PDE1C: variants seen among roughly 807,000 people sequenced by gnomAD.
PDE1C encodes phosphodiesterase 1C.
PDE1C carries 62 observed loss-of-function variants against 93.1 expected under a neutral mutation model. The ratio of observed to expected loss-of-function variants is 0.67; its 90% CI spans 0.54 to 0.82. PDE1C has a LOEUF of 0.82. PDE1C is among the 40% of genes least tolerant of loss of function. PDE1C has a pLI of 0.00. For missense variants in PDE1C, 742 were observed against 884.6 expected (o/e 0.84, Z 2.04); for synonymous variants, 325 against 310.1 (o/e 1.05, Z -0.50).
At chr7:32,374,170 GAAAGAAAGA>G (rs766271350) in intron 1 of PDE1C, among the ~76,000 whole-genome samples, 495 of 2,558 alleles carry the variant, frequency 0.19, 14 homozygotes, top group East Asian at 0.25. Context: ...GAGAAAGAAA[GAAAGAAAGA>G]AAGAAAGAAA....
chr7:32,393,277 A>G (rs939604868), intron 1 of PDE1C, among the ~76,000 whole-genome samples: 2 of 152,088 alleles, frequency 1.3e-5, no homozygotes, highest in African/African-American at 4.8e-5. Context: ...CAACAAAAAC[A>G]AATAAAAGCA....
intron 1 of PDE1C, among the ~76,000 whole-genome samples, chr7:32,361,071 C>T (rs1784129028): frequency 6.6e-6 from 1 of 152,190 alleles, no homozygotes; most frequent in Non-Finnish European, 1.5e-5. Flanking sequence ...ACTTATTTAA[C>T]ACACAACTAT....
At chr7:32,107,654 A>G (rs1798398141) in intron 3 of PDE1C, among the ~76,000 whole-genome samples, 1 of 152,210 alleles carries the variant, frequency 6.6e-6, no homozygotes, top group African/African-American at 2.4e-5. Context: ...GAAATGTTAA[A>G]ATAATTTCTT....
At chr7:31,708,928 T>A in the PDE1C span, among the ~76,000 whole-genome samples, 2 of 152,038 alleles carry the variant, frequency 1.3e-5, no homozygotes, top group Non-Finnish European at 2.9e-5. Context: ...CAGCTTTGGG[T>A]AGAGGGGAAT....
At chr7:31,718,372 C>T in the PDE1C span, among the ~76,000 whole-genome samples, 598 of 152,104 alleles carry the variant, frequency 3.9e-3, 2 homozygotes, top group African/African-American at 0.014. Context: ...ACTTGGCTCT[C>T]CTCTGCTACT....
chr7:32,045,045 T>C (rs1055587738), intron 2 of PDE1C, among the ~76,000 whole-genome samples: 3 of 149,960 alleles, frequency 2.0e-5, no homozygotes, highest in South Asian at 4.3e-4. Context: ...CCTACACCTG[T>C]GCCCTGCCCC....
At chr7:31,800,252 C>T (rs746384758) in intron 16 of PDE1C, among the ~76,000 whole-genome samples, 1 of 151,500 alleles carries the variant, frequency 6.6e-6, no homozygotes, top group African/African-American at 2.4e-5. Flanking sequence ...TTTGATAAAG[C>T]ATAATTTATC....
At chr7:31,755,472 A>G (rs1282744440) in intron 17 of PDE1C, among the ~76,000 whole-genome samples, 2 of 152,302 alleles carry the variant, frequency 1.3e-5, no homozygotes, top group Admixed American at 1.3e-4. Flanking sequence ...TAATAGCAGA[A>G]ACCAGGGCTC....
chr7:31,903,304 C>A (rs1800207261), intron 2 of PDE1C, among the ~76,000 whole-genome samples: 1 of 151,826 alleles, frequency 6.6e-6, no homozygotes, highest in African/African-American at 2.4e-5. Context: ...AGAAAAATAT[C>A]TGAAGTTGTA....
At chr7:31,723,836 G>C in the PDE1C span, among the ~76,000 whole-genome samples, 1 of 152,178 alleles carries the variant, frequency 6.6e-6, no homozygotes, top group Non-Finnish European at 1.5e-5. Flanking sequence ...CTCTCTGGCT[G>C]TGTCTCTCCG....
At chr7:32,370,716 A>G (rs1460544281) in intron 1 of PDE1C, among the ~76,000 whole-genome samples, 1 of 152,098 alleles carries the variant, frequency 6.6e-6, no homozygotes, top group African/African-American at 2.4e-5. Context: ...CAGCACACCA[A>G]CATGGCACAT....
intron 2 of PDE1C, among the ~76,000 whole-genome samples, chr7:31,907,136 G>A (rs112093462): frequency 6.6e-6 from 1 of 151,658 alleles, no homozygotes; most frequent in African/African-American, 2.4e-5. Context: ...CAGATGATGG[G>A]AAATTCTGAC....
rs1041533047 is a variant in PDE1C at position 31,755,321 on chromosome 7, G to T, written c.1961-1768C>A. ...CTTATAGATATGTGTATGTACATGA[G>T]TTGGCATTCACACATATATTGTCTT... On this transcript the variant is annotated intron_variant, in intron 17 of 17. Coordinates refer to ENST00000396191, the MANE Select transcript of PDE1C (RefSeq NM_001191057.4). 2.0e-5 allele frequency among the ~76,000 whole-genome samples: 3 copies of T among 152,288 alleles called. No homozygotes were observed. In the South Asian group the frequency reaches 6.2e-4, roughly 32 times the overall value.
chr7:31,670,969 C>T, the PDE1C span, among the ~76,000 whole-genome samples: 2 of 152,116 alleles, frequency 1.3e-5, no homozygotes, highest in Non-Finnish European at 2.9e-5. Flanking sequence ...AGAAGTCTGG[C>T]TGGGTACAGC....
At chr7:32,112,868 A>C (rs1798751297) in intron 3 of PDE1C, among the ~76,000 whole-genome samples, 1 of 142,418 alleles carries the variant, frequency 7.0e-6, no homozygotes, top group African/African-American at 2.7e-5. Context: ...ATATATATAT[A>C]TATATCTCAA....
chr7:32,239,570 A>T (rs1224707763), intron 1 of PDE1C, among the ~76,000 whole-genome samples: 1 of 152,250 alleles, frequency 6.6e-6, no homozygotes, highest in Non-Finnish European at 1.5e-5. Flanking sequence ...GGCAACTCAC[A>T]AAAGTGGAAA....
chr7:31,737,531 G>A, the PDE1C span, among the ~76,000 whole-genome samples: 48 of 152,226 alleles, frequency 3.2e-4, 1 homozygote, highest in African/African-American at 1.1e-3. Context: ...GCTGGGTGCA[G>A]TGGCTCATGC....
rs76889033 is a variant in PDE1C, at chr7:32,257,329, C to T, written c.85+41322G>A. On this transcript the variant is annotated intron_variant, in intron 1 of 18. Coordinates refer to the PDE1C transcript ENST00000396193. ...ATCTCTATTCACCTCTATTCCAAAG[C>T]TAAGCCTGTCCTTGGAACAGAGCAA... is the stretch of plus-strand genomic sequence containing the variant. Among the ~76,000 whole-genome samples the T allele has an allele frequency of 3.0e-3, 456 of 152,286 alleles. 2 individuals are homozygous for T. The highest frequency in any genetic ancestry group is 4.7e-3 in the Admixed American group (72 of 15,308).
intron 17 of PDE1C, among the ~76,000 whole-genome samples, chr7:31,763,817 T>G (rs889488131): frequency 3.6e-4 from 54 of 152,080 alleles, no homozygotes; most frequent in Non-Finnish European, 6.8e-4. Flanking sequence ...AGTCACATAA[T>G]TCCCCACAGG....
Sources: gnomAD v4.1 joint callset for allele counts (sites outside exome capture counted in the v4.1 genomes callset) on GRCh38, gnomAD v4.1.1 for gene constraint, MANE v1.5 for transcripts, NCBI Gene and HGNC (gene_info 2026-07-23, HGNC 2026-07-21) for gene names.